The following MACROD2 variants were observed in gnomAD, a reference collection of about 807,000 sequenced individuals.
MACROD2 encodes mono-ADP ribosylhydrolase 2.
A neutral mutation model predicts 70.4 loss-of-function variants in MACROD2; 36 were observed. The observed-to-expected ratio is 0.51, with a 90% CI of 0.39 to 0.68. The LOEUF (loss-of-function observed/expected upper bound fraction) is 0.68, where lower values mean the gene tolerates loss of function less well. Ranked by LOEUF, MACROD2 falls within the 30% of genes least tolerant of loss-of-function variation. The probability of loss-of-function intolerance (pLI) is 0.00; values close to 1 mark genes in which losing one functional copy is unlikely to be tolerated. For synonymous variants in MACROD2, 172 were observed against 178.8 expected (o/e 0.96, Z 0.30); for missense variants, 496 against 538.4 (o/e 0.92, Z 0.78).
Position 14,840,719 on chromosome 20 carries a change from A to G in MACROD2, c.418+155760A>G, listed in dbSNP as rs748480761. ...TGATGTTCTCTCATTGGAAAGGTTGACAGGTTCTTTCAAGGAAAGGTCATT... is the reference window on the plus strand; with the variant it reads ...TGATGTTCTCTCATTGGAAAGGTTGGCAGGTTCTTTCAAGGAAAGGTCATT... On this transcript the variant is annotated intron_variant, in intron 5 of 17. Coordinates refer to ENST00000684519, the MANE Select transcript of MACROD2 (RefSeq NM_001351661.2). 2.2e-4 allele frequency among the ~76,000 whole-genome samples: 34 copies of G among 152,174 alleles called. 1 individual carries two copies. The highest frequency in any genetic ancestry group is 4.4e-4 in the Non-Finnish European group (30 of 68,008).
rs571441799 is a variant in MACROD2 at position 15,674,224 on chromosome 20, G to A, written c.645+174377G>A. ...GGTAAGACCATAGTGGGGACAAGAT[G>A]CTATAAGGGAGAACGGAAGGGGAAG... On this transcript the variant is annotated intron_variant, in intron 8 of 17. Transcript: ENST00000684519. Among the ~76,000 whole-genome samples the A allele has an allele frequency of 2.1e-4, 32 of 152,248 alleles. No homozygotes were observed. In the South Asian group the frequency reaches 6.6e-3, roughly 32 times the overall value.
At chr20:14,006,225 GT>G (rs1317796861) in intron 2 of MACROD2, among the ~76,000 whole-genome samples, 1 of 152,212 alleles carries the variant, frequency 6.6e-6, no homozygotes, top group East Asian at 1.9e-4. Context: ...ACCTTACAAT[GT>G]TTGCACAGCA....
intron 5 of MACROD2, among the ~76,000 whole-genome samples, chr20:15,098,811 G>A (rs969657692): frequency 5.9e-5 from 9 of 152,212 alleles, no homozygotes; most frequent in African/African-American, 1.7e-4. Context: ...TTCCCCTTTG[G>A]GGGGAAATCA....
At chr20:14,578,754 G>T (rs981141220) in intron 4 of MACROD2, among the ~76,000 whole-genome samples, 2 of 152,202 alleles carry the variant, frequency 1.3e-5, no homozygotes, top group African/African-American at 4.8e-5. Flanking sequence ...ATAAAGGAAA[G>T]AGCTGATATC....
chr20:14,265,182 T>C (rs1367175518), intron 3 of MACROD2, among the ~76,000 whole-genome samples: 21 of 152,240 alleles, frequency 1.4e-4, no homozygotes, highest in Admixed American at 6.5e-4. Context: ...CACTGGGTTA[T>C]CATTATTCAC....
chr20:15,195,729 G>T (rs973191292), intron 5 of MACROD2, among the ~76,000 whole-genome samples: 7 of 152,140 alleles, frequency 4.6e-5, no homozygotes, highest in Non-Finnish European at 1.0e-4. Context: ...CCCATTACTG[G>T]ATATATACCC....
At chr20:14,685,530 A>C (rs968066184) in intron 5 of MACROD2, among the ~76,000 whole-genome samples, 1 of 152,236 alleles carries the variant, frequency 6.6e-6, no homozygotes, top group African/African-American at 2.4e-5. Flanking sequence ...AATTTCCGTT[A>C]TATTTTAATA....
intron 5 of MACROD2, among the ~76,000 whole-genome samples, chr20:15,215,370 A>G (rs1031307947): frequency 6.6e-6 from 1 of 151,586 alleles, no homozygotes; most frequent in Non-Finnish European, 1.5e-5. Flanking sequence ...CCTTAAAAAA[A>G]CTATGAAGAT....
chr20:14,860,014 G>C (rs2073297308), intron 5 of MACROD2, among the ~76,000 whole-genome samples: 1 of 152,120 alleles, frequency 6.6e-6, no homozygotes, highest in South Asian at 2.1e-4. Context: ...GTCATACATT[G>C]ACCCTCTGTT....
At position 15,020,719 on chromosome 20, in the gene MACROD2, G is replaced by A. The variant is rs73612386; in HGVS notation, c.419-209221G>A. On this transcript the variant is annotated intron_variant, in intron 5 of 17. Coordinates refer to ENST00000684519, the MANE Select transcript of MACROD2 (RefSeq NM_001351661.2). The stretch of plus-strand genomic sequence containing the variant: ...AAACTTGTACATGTTACTGTACTGA[G>A]TAGTGTAGGCACATACAACACAATG... 8.8e-3 allele frequency among the ~76,000 whole-genome samples: 1,332 copies of A among 152,094 alleles called. 105 individuals carry two copies. The East Asian group carries it at 0.2, about 23-fold the overall frequency.
chr20:14,258,095 A>G (rs1198028125), intron 3 of MACROD2, among the ~76,000 whole-genome samples: 1 of 152,156 alleles, frequency 6.6e-6, no homozygotes, highest in African/African-American at 2.4e-5. Context: ...GTAGTATTCT[A>G]TGATGTATAT....
intron 5 of MACROD2, among the ~76,000 whole-genome samples, chr20:15,215,095 T>C (rs1164544175): frequency 1.3e-5 from 2 of 152,210 alleles, no homozygotes; most frequent in African/African-American, 4.8e-5. Context: ...TGTAAATCCA[T>C]GTTTATTTAA....
At chr20:15,853,940 T>C (rs1173526924) in intron 8 of MACROD2, among the ~76,000 whole-genome samples, 2 of 152,130 alleles carry the variant, frequency 1.3e-5, no homozygotes, top group East Asian at 3.9e-4. Context: ...TTGTTCAAGG[T>C]CACAGGTAAA....
intron 4 of MACROD2, among the ~76,000 whole-genome samples, chr20:14,522,363 C>T (rs1315058219): frequency 3.9e-5 from 6 of 152,044 alleles, no homozygotes; most frequent in African/African-American, 1.4e-4. Context: ...AAAAGCAAAA[C>T]CCTGAAACCC....
At chr20:14,578,861 G>A (rs544865579) in intron 4 of MACROD2, among the ~76,000 whole-genome samples, 16 of 152,248 alleles carry the variant, frequency 1.1e-4, no homozygotes, top group Non-Finnish European at 1.9e-4. Context: ...AGGGAGGAGC[G>A]TGTGACTCTG....
At chr20:15,817,755 C>T (rs2063892886) in intron 8 of MACROD2, among the ~76,000 whole-genome samples, 1 of 152,144 alleles carries the variant, frequency 6.6e-6, no homozygotes, top group South Asian at 2.1e-4. Context: ...TCCTCTCCAT[C>T]TCACCCTTTA....
intron 3 of MACROD2, among the ~76,000 whole-genome samples, chr20:14,449,871 G>T (rs2084225492): frequency 6.6e-6 from 1 of 152,040 alleles, no homozygotes; most frequent in Non-Finnish European, 1.5e-5. Context: ...TGACATCTGT[G>T]CTTGCAGGGG....
intron 3 of MACROD2, among the ~76,000 whole-genome samples, chr20:14,275,405 T>C (rs1405168926): frequency 5.3e-5 from 8 of 151,838 alleles, no homozygotes; most frequent in Admixed American, 3.9e-4. Context: ...TAATAAATGG[T>C]GCTGGGAAAA....
At chr20:15,978,403 T>G (rs563242172) in intron 13 of MACROD2, among the ~76,000 whole-genome samples, 2 of 152,240 alleles carry the variant, frequency 1.3e-5, no homozygotes, top group African/African-American at 4.8e-5. Flanking sequence ...AGTTACACCC[T>G]CTTGTAAATT....
Sources: allele counts gnomAD v4.1 joint callset (sites outside exome capture counted in the v4.1 genomes callset), GRCh38; gene constraint gnomAD v4.1.1; transcripts MANE v1.5; gene names NCBI Gene and HGNC (gene_info 2026-07-23, HGNC 2026-07-21).